The following EPB41L1 variants were observed in gnomAD, a reference collection of about 807,000 sequenced individuals.
EPB41L1 encodes erythrocyte membrane protein band 4.1 like 1.
EPB41L1 carries 29 observed loss-of-function variants against 97.8 expected under a neutral mutation model. The observed-to-expected ratio is 0.30, with a 90% CI of 0.22 to 0.40. EPB41L1 has a LOEUF of 0.40. Among genes scored for constraint, EPB41L1 ranks in the 10% least tolerant of loss-of-function variants. The pLI, the probability that EPB41L1 is intolerant of heterozygous loss-of-function variation, is 1.00. For missense variants in EPB41L1, 812 were observed against 1,162.3 expected, an observed-to-expected ratio of 0.70 and a Z score of 4.38; for synonymous variants, 383 against 459.2, an observed-to-expected ratio of 0.83 and a Z score of 2.12.
chr20:36,147,714 T>G (rs1280629514), intron 2 of EPB41L1, among the ~76,000 whole-genome samples: 3 of 152,208 alleles, frequency 2.0e-5, no homozygotes, highest in Non-Finnish European at 2.9e-5. Context: ...CAGCACCTTC[T>G]GGCACCTGGG....
rs1239861557 is a variant in EPB41L1 at position 36,190,575 on chromosome 20, C to A, written c.1125-47C>A. ...AGCTGTGGTCTAACCTTGGGCCTGG[C>A]AGTGCAGGTCTGATTCCTCCTCCTC... On this transcript the variant is annotated intron_variant, in intron 10 of 21. Coordinates refer to ENST00000338074, the MANE Select transcript of EPB41L1 (RefSeq NM_012156.2). The surrounding 1 kb of genome is among the most constrained non-coding windows in gnomAD (Gnocchi z 5.8). The A allele has an allele frequency of 1.2e-6, 2 of 1,610,458 alleles. No homozygotes were observed. The highest frequency in any genetic ancestry group is 1.3e-5 in the African/African-American group (1 of 74,986).
At chr20:36,182,897 GCCA>G (rs1428243372) in intron 6 of EPB41L1, among the ~76,000 whole-genome samples, 5 of 152,188 alleles carry the variant, frequency 3.3e-5, no homozygotes, top group African/African-American at 1.2e-4. Context: ...TGGTCTGCAT[GCCA>G]CTCTGTGCAC....
At chr20:36,096,766 C>G (rs993880168) in intron 1 of EPB41L1, among the ~76,000 whole-genome samples, 1 of 152,234 alleles carries the variant, frequency 6.6e-6, no homozygotes, top group African/African-American at 2.4e-5. Flanking sequence ...TGGGCAGGAA[C>G]TTGCTTACTA....
intron 2 of EPB41L1, among the ~76,000 whole-genome samples, chr20:36,175,103 C>T (rs879400182): frequency 2.6e-5 from 4 of 152,130 alleles, no homozygotes; most frequent in Admixed American, 1.3e-4. Context: ...CCGGGGCGGG[C>T]GGCGGTGGGG....
intron 2 of EPB41L1, among the ~76,000 whole-genome samples, chr20:36,141,364 A>G (rs145761366): frequency 1.3e-5 from 2 of 152,306 alleles, no homozygotes; most frequent in East Asian, 3.9e-4. Context: ...TTTTACTGTC[A>G]GATGAGGGAA....
chr20:36,098,164 G>A (rs1332103222), intron 1 of EPB41L1, among the ~76,000 whole-genome samples: 1 of 152,166 alleles, frequency 6.6e-6, no homozygotes. Flanking sequence ...TTTCACGACA[G>A]CCTGGCCCTG....
At chr20:36,177,504 C>G (rs548638370) in intron 3 of EPB41L1, among the ~76,000 whole-genome samples, 1 of 152,320 alleles carries the variant, frequency 6.6e-6, no homozygotes, top group South Asian at 2.1e-4. Flanking sequence ...CACACTGTGA[C>G]CCTGAGCCCC....
intron 1 of EPB41L1, chr20:36,155,543 G>C (rs1410746271): frequency 2.2e-6 from 1 of 454,870 alleles, no homozygotes; most frequent in African/African-American, 2.0e-5. Flanking sequence ...GAGAGGCTGG[G>C]GTCTCAGGGA....
rs1169005462 is a variant in EPB41L1, at chr20:36,195,658, C to T, written c.1485+294C>T. Among the ~76,000 whole-genome samples, 3 of 152,132 alleles carry T rather than the reference C, an allele frequency of 2.0e-5. No individual in the cohort carries two copies. The highest frequency in any genetic ancestry group is 2.4e-5 in the African/African-American group (1 of 41,448). ...CCCGGTCCTCCATACTTGCAGCTCACCTGCTGACCATCCCACCTGCACCAC... is the reference window on the plus strand; with the variant it reads ...CCCGGTCCTCCATACTTGCAGCTCATCTGCTGACCATCCCACCTGCACCAC... On this transcript the variant is annotated intron_variant, in intron 13 of 21. Coordinates refer to ENST00000338074, the MANE Select transcript of EPB41L1 (RefSeq NM_012156.2). This position sits in a 1 kb window ranked among gnomAD's most constrained non-coding sequence, Gnocchi z 4.6.
At chr20:36,183,778 A>C (rs1410087144) in intron 6 of EPB41L1, among the ~76,000 whole-genome samples, 6 of 152,228 alleles carry the variant, frequency 3.9e-5, no homozygotes, top group Admixed American at 3.9e-4. Flanking sequence ...AATGCCCATA[A>C]GCCTGTACTC....
chr20:36,112,147 A>G (rs763977354), intron 1 of EPB41L1, among the ~76,000 whole-genome samples: 1 of 151,910 alleles, frequency 6.6e-6, no homozygotes, highest in Non-Finnish European at 1.5e-5. Context: ...TCCATCCTCT[A>G]CCCTGTAAGC....
chr20:36,121,478 T>A (rs950068985), intron 2 of EPB41L1, among the ~76,000 whole-genome samples: 1 of 152,118 alleles, frequency 6.6e-6, no homozygotes, highest in Non-Finnish European at 1.5e-5. Flanking sequence ...CCATGCTGGG[T>A]GACCTTAGGC....
chr20:36,187,626 T>G (rs771548891), intron 7 of EPB41L1, 50 bp from the exon 8 acceptor site: 5 of 1,523,530 alleles, frequency 3.3e-6, no homozygotes, highest in Non-Finnish European at 4.5e-6. Context: ...ACAGCAGGAC[T>G]AAACCTGGGC....
chr20:36,175,571 G>T lies in EPB41L1; in HGVS notation c.198G>T (p.Lys66Asn). Residue 66 changes from lysine to asparagine, a missense_variant, in exon 3 of 22, where the codon AAG becomes AAT. Coordinates refer to ENST00000338074, the MANE Select transcript of EPB41L1 (RefSeq NM_012156.2). ...TGCAGAGCCTAGACATGGAGGAGAA[G>T]GACTACAGTGAGGCCGATGGCCTTT... Reference protein sequence around the residue: ...PAEQSLDMEEKDYSEADGLSE... With the variant: ...PAEQSLDMEENDYSEADGLSE... 2 of 1,614,218 alleles carry T rather than the reference G, an allele frequency of 1.2e-6. No individual in the cohort carries two copies. The highest frequency in any genetic ancestry group is 1.7e-6 in the Non-Finnish European group (2 of 1,180,038).
intron 1 of EPB41L1, among the ~76,000 whole-genome samples, chr20:36,100,390 G>T (rs1488272914): frequency 6.6e-6 from 1 of 152,138 alleles, no homozygotes; most frequent in East Asian, 1.9e-4. Context: ...CCCACTTCAG[G>T]TGGGTGGTTT....
Position 36,207,712 on chromosome 20 carries a change from A to G in EPB41L1, c.1669-1776A>G. On this transcript the variant is annotated intron_variant, in intron 14 of 21. Transcript: ENST00000338074. This position sits in a 1 kb window ranked among gnomAD's most constrained non-coding sequence, Gnocchi z 4.9. Reference sequence around the variant, plus strand: ...TTCTGCATCCTACCAGGAAGCACACACGGAACTAGAGCCCGTGTCCCCCAA... The same window carrying G: ...TTCTGCATCCTACCAGGAAGCACACGCGGAACTAGAGCCCGTGTCCCCCAA... The G allele has an allele frequency of 7.8e-7, 1 of 1,289,996 alleles. No homozygotes were observed. The highest frequency in any genetic ancestry group is 1.0e-6 in the Non-Finnish European group (1 of 988,906). The allele number at this position is 1,289,996 out of a possible 1,614,324, so 79.9% of individuals were successfully genotyped here. A position where few individuals can be genotyped will look rare whatever the true frequency, so the allele number is the denominator to read the frequency against.
intron 17 of EPB41L1, among the ~76,000 whole-genome samples, chr20:36,215,146 G>A (rs1359178564): frequency 2.0e-5 from 3 of 151,702 alleles, no homozygotes; most frequent in South Asian, 4.2e-4. Context: ...GATAATCTCC[G>A]TGGATGCTCA....
At chr20:36,171,768 A>G (rs1397830963) in intron 1 of EPB41L1, among the ~76,000 whole-genome samples, 1 of 152,180 alleles carries the variant, frequency 6.6e-6, no homozygotes, top group Non-Finnish European at 1.5e-5. Context: ...TGGCTAGCCC[A>G]GGGTGGATGC....
chr20:36,132,453 G>A (rs912105207), intron 2 of EPB41L1, among the ~76,000 whole-genome samples: 2 of 150,890 alleles, frequency 1.3e-5, no homozygotes, highest in African/African-American at 4.9e-5. Context: ...GATAATCTAG[G>A]ACCATTCTCC....
Sources: gnomAD v4.1 joint callset for allele counts (sites outside exome capture counted in the v4.1 genomes callset) on GRCh38, gnomAD v4.1.1 for gene constraint, Gnocchi (gnomAD v3.1) non-coding constraint, MANE v1.5 for transcripts, NCBI Gene and HGNC (gene_info 2026-07-23, HGNC 2026-07-21) for gene names.